Variants in GADL1 observed in about 807,000 individuals in gnomAD.
The protein encoded by GADL1 is GAD like acidic amino acid decarboxylase 1.
A neutral mutation model predicts 69.5 loss-of-function variants in GADL1; 71 were observed. The observed-to-expected ratio is 1.02, with a 90% CI of 0.84 to 1.25. The LOEUF (loss-of-function observed/expected upper bound fraction) is 1.25. GADL1 is among the 50% of genes most tolerant of loss of function. The probability of loss-of-function intolerance (pLI) is 0.00; values close to 1 mark genes in which losing one functional copy is unlikely to be tolerated. For missense variants in GADL1, 737 were observed against 631.8 expected, an observed-to-expected ratio of 1.17 and a Z score of -1.79; for synonymous variants, 254 against 214.4, an observed-to-expected ratio of 1.18 and a Z score of -1.62.
chr3:30,839,053 G>A lies in GADL1; in HGVS notation c.847C>T (p.Pro283Ser). The change falls in exon 9 of 15, where the codon CCT becomes TCT. Residue 283 changes from proline (P) to serine (S), a missense_variant. Coordinates refer to ENST00000282538, the MANE Select transcript of GADL1 (RefSeq NM_207359.3). ...SGTTVLGAFD[P>S]LDEIADICER... ...CAGATGTCTGCTATTTCATCCAGAG[G>A]GTCAAAAGCTCCCAACACAGTTGTA... 1 of 1,606,994 alleles carries A rather than the reference G, an allele frequency of 6.2e-7. No homozygotes were observed. Among genetic ancestry groups the A allele is most frequent in the Non-Finnish European group, 8.5e-7 (1 of 1,177,274 alleles).
At chr3:30,853,934 C>A (rs1022327204) in intron 4 of GADL1, among the ~76,000 whole-genome samples, 11 of 152,022 alleles carry the variant, frequency 7.2e-5, no homozygotes, top group Non-Finnish European at 1.6e-4. Flanking sequence ...CCTTCAATGG[C>A]TTTTTGTTAC....
intron 14 of GADL1, among the ~76,000 whole-genome samples, chr3:30,751,160 A>C (rs1450328219): frequency 3.9e-5 from 6 of 152,130 alleles, no homozygotes; most frequent in African/African-American, 1.4e-4. Context: ...ATAACAAGAC[A>C]GGAGTTTCCA....
intron 14 of GADL1, among the ~76,000 whole-genome samples, chr3:30,756,679 G>A (rs1430931370): frequency 6.6e-6 from 1 of 152,196 alleles, no homozygotes; most frequent in East Asian, 1.9e-4. Context: ...GGATTAGCCT[G>A]ATTGGGAAGT....
chr3:30,861,447 A>G (rs1440360056), intron 2 of GADL1, 146 bp downstream of exon 2: 1 of 624,436 alleles, frequency 1.6e-6, no homozygotes, highest in East Asian at 2.8e-5. Flanking sequence ...GACAGCCTAC[A>G]CTTTTATATC....
At chr3:30,840,185 A>G (rs573790638) in intron 8 of GADL1, among the ~76,000 whole-genome samples, 3 of 152,262 alleles carry the variant, frequency 2.0e-5, no homozygotes, top group Non-Finnish European at 4.4e-5. Context: ...GCTCATTGCA[A>G]TACATTTTTA....
At chr3:30,838,698 C>T (rs1187373959) in intron 9 of GADL1, among the ~76,000 whole-genome samples, 1 of 152,074 alleles carries the variant, frequency 6.6e-6, no homozygotes, top group African/African-American at 2.4e-5. Context: ...GGCTCCCTAA[C>T]CTAAAATGGG....
rs549520878 is a variant in GADL1 at position 30,810,165 on chromosome 3, T to C, written c.1051-9077A>G. Among the ~76,000 whole-genome samples, 37 of 152,314 alleles carry C rather than the reference T, an allele frequency of 2.4e-4. No individual in the cohort carries two copies. The South Asian group carries it at 6.8e-3, about 28-fold the overall frequency. On this transcript the variant is annotated intron_variant, in intron 11 of 14. Transcript: ENST00000282538. ...CCAGTTTCTCAAAAACTGTGTGCTA[T>C]CAGCCCTTTCACAAACTGGCTTGAT...
At chr3:30,846,912 A>G (rs1421939743) in intron 6 of GADL1, among the ~76,000 whole-genome samples, 1 of 152,170 alleles carries the variant, frequency 6.6e-6, no homozygotes, top group Non-Finnish European at 1.5e-5. Flanking sequence ...GACACACCCT[A>G]CATAACTCAC....
At chr3:30,870,437 G>A (rs1698464424) in intron 1 of GADL1, among the ~76,000 whole-genome samples, 1 of 151,722 alleles carries the variant, frequency 6.6e-6, no homozygotes, top group African/African-American at 2.4e-5. Context: ...AAGTGTGAGG[G>A]CAAGGGAAAG....
intron 4 of GADL1, among the ~76,000 whole-genome samples, chr3:30,852,133 G>C (rs1231812853): frequency 6.6e-6 from 1 of 152,082 alleles, no homozygotes; most frequent in Non-Finnish European, 1.5e-5. Flanking sequence ...TTGGATTGAG[G>C]CATAAAAGCT....
chr3:30,811,864 A>C (rs1215569961), intron 11 of GADL1, among the ~76,000 whole-genome samples: 3 of 152,208 alleles, frequency 2.0e-5, no homozygotes, highest in Non-Finnish European at 4.4e-5. Context: ...CAGAATTTTC[A>C]GTGTGAAGTA....
intron 1 of GADL1, among the ~76,000 whole-genome samples, chr3:30,864,959 A>G (rs1202316720): frequency 6.6e-6 from 1 of 151,932 alleles, no homozygotes; most frequent in Non-Finnish European, 1.5e-5. Context: ...TGAAAAGATA[A>G]ATCTGATCAC....
At chr3:30,820,868 C>A (rs1248660538) in intron 11 of GADL1, among the ~76,000 whole-genome samples, 1 of 151,760 alleles carries the variant, frequency 6.6e-6, no homozygotes, top group Non-Finnish European at 1.5e-5. Flanking sequence ...AAGACACATG[C>A]ACATGTATGT....
In GADL1 at chr3:30,727,492, G is replaced by A. The variant is rs1695387429; in HGVS notation, c.*750C>T. The A allele has an allele frequency of 6.6e-6, 1 of 151,166 alleles. No individual in the cohort carries two copies. The highest frequency in any genetic ancestry group is 1.5e-5 in the Non-Finnish European group (1 of 67,888). The allele number at this position is 151,166 out of a possible 1,614,324, so 9.4% of individuals were successfully genotyped here. ...TTTTAACTTTTGAGATAAACATTCA[G>A]CCTGCATAAAACATAAATCTCTATG... On this transcript the variant is annotated 3_prime_UTR_variant, in exon 15 of 15. Transcript: ENST00000282538.
chr3:30,732,652 G>C (rs941911089), intron 14 of GADL1, among the ~76,000 whole-genome samples: 1 of 152,114 alleles, frequency 6.6e-6, no homozygotes, highest in African/African-American at 2.4e-5. Flanking sequence ...TTCTGACCAG[G>C]CATCATTATT....
chr3:30,787,895 G>A (rs1696830427), intron 12 of GADL1, among the ~76,000 whole-genome samples: 1 of 152,112 alleles, frequency 6.6e-6, no homozygotes. Flanking sequence ...TTTTTAAGAT[G>A]TTCCTTTTTG....
At chr3:30,781,914 CTA>C (rs757590353) in intron 13 of GADL1, among the ~76,000 whole-genome samples, 15 of 152,162 alleles carry the variant, frequency 9.9e-5, no homozygotes, top group African/African-American at 1.7e-4. Context: ...AGGTACATCA[CTA>C]TGTTAATTTC....
chr3:30,806,877 AATG>A (rs1406348450), intron 11 of GADL1, among the ~76,000 whole-genome samples: 22 of 152,206 alleles, frequency 1.4e-4, no homozygotes, highest in African/African-American at 4.8e-4. Context: ...CCACAATAAG[AATG>A]ATTAGTGATG....
chr3:30,852,246 G>T (rs999814990), intron 4 of GADL1, among the ~76,000 whole-genome samples: 25 of 152,134 alleles, frequency 1.6e-4, no homozygotes, highest in Non-Finnish European at 1.6e-4. Flanking sequence ...TGGGTGCAGT[G>T]GCTCATGCCT....
Sources: allele counts gnomAD v4.1 joint callset (sites outside exome capture counted in the v4.1 genomes callset), GRCh38; gene constraint gnomAD v4.1.1; transcripts MANE v1.5; gene names NCBI Gene and HGNC (gene_info 2026-07-23, HGNC 2026-07-21).